GCH1: variants seen among roughly 807,000 people sequenced by gnomAD.
GCH1 encodes the protein GTP cyclohydrolase I.
GCH1 carries 5 observed loss-of-function variants against 25.9 expected under a neutral mutation model. The ratio of observed to expected loss-of-function variants is 0.19; its 90% CI spans 0.10 to 0.41. The LOEUF (loss-of-function observed/expected upper bound fraction) is 0.41. Among genes scored for constraint, GCH1 ranks in the 10% least tolerant of loss-of-function variants. GCH1 has a pLI of 1.00. For synonymous variants in GCH1, 159 were observed against 129.6 expected (o/e 1.23, Z -1.54); for missense variants, 261 against 336.5 (o/e 0.78, Z 1.75).
At position 54,859,752 on chromosome 14, in the gene GCH1, G is replaced by A. The variant is rs574131336; in HGVS notation, c.454-16C>T. Reference sequence around the variant, plus strand: ...CAATATGGACCTTCAGAGAAGAGACGGAAATCATTAGCTGAGTGAAAATAC... The same window carrying A: ...CAATATGGACCTTCAGAGAAGAGACAGAAATCATTAGCTGAGTGAAAATAC... On this transcript the variant is annotated splice_polypyrimidine_tract_variant and intron_variant, in intron 2 of 5. Transcript: ENST00000491895. 1.7e-5 allele frequency: 26 copies of A among 1,498,894 alleles called. 1 individual carries two copies. Among genetic ancestry groups the A allele is most frequent in the Middle Eastern group, 3.4e-4 (2 of 5,858 alleles). The allele number at this position is 1,498,894 out of a possible 1,614,324, so 92.8% of individuals were successfully genotyped here.
rs1339947142 is a variant in GCH1 at position 54,862,748 on chromosome 14, C to A, written c.453+2579G>T. Among the ~76,000 whole-genome samples the A allele has an allele frequency of 5.3e-5, 8 of 151,822 alleles. No homozygotes were observed. The East Asian group carries it at 1.4e-3, about 26-fold the overall frequency. ...GAGATTACTGACGTAAGCCACCGTG[C>A]CCAGCCCTTACGAACTACTTTTATC... On this transcript the variant is annotated intron_variant, in intron 2 of 5. Transcript: ENST00000491895.
At chr14:54,858,202 A>G (rs888261389) in intron 3 of GCH1, among the ~76,000 whole-genome samples, 2 of 152,200 alleles carry the variant, frequency 1.3e-5, no homozygotes, top group South Asian at 4.1e-4. Context: ...ACTGTGTTAA[A>G]TCCCAGGGCC....
chr14:54,863,557 A>G (rs2039946689), intron 2 of GCH1, among the ~76,000 whole-genome samples: 1 of 151,166 alleles, frequency 6.6e-6, no homozygotes, highest in Non-Finnish European at 1.5e-5. Context: ...AGAGCAGAAT[A>G]GATAAATTGT....
intron 5 of GCH1, 64 bp from the exon 6 acceptor site, chr14:54,844,207 G>T: frequency 2.8e-6 from 3 of 1,059,148 alleles, no homozygotes; most frequent in Non-Finnish European, 4.4e-6. Flanking sequence ...GTTTTTAAAA[G>T]CAGGCCTAAA....
At chr14:54,863,232 A>G (rs1468734133) in intron 2 of GCH1, among the ~76,000 whole-genome samples, 2 of 151,914 alleles carry the variant, frequency 1.3e-5, no homozygotes, top group African/African-American at 4.8e-5. Flanking sequence ...ATCCTGGCTA[A>G]CACCGTGAAA....
chr14:54,883,461 C>T (rs1229640408), intron 1 of GCH1, among the ~76,000 whole-genome samples: 3 of 150,340 alleles, frequency 2.0e-5, no homozygotes, highest in African/African-American at 7.4e-5. Flanking sequence ...AGGTGGATCA[C>T]GAGGTCAGGA....
intron 1 of GCH1, among the ~76,000 whole-genome samples, chr14:54,900,783 T>C (rs535814825): frequency 3.3e-5 from 5 of 151,898 alleles, no homozygotes; most frequent in African/African-American, 9.7e-5. Context: ...CCACTTTCTG[T>C]GTCTGCAAGG....
intron 1 of GCH1, among the ~76,000 whole-genome samples, chr14:54,873,219 C>G (rs1336463946): frequency 6.6e-6 from 1 of 152,170 alleles, no homozygotes; most frequent in East Asian, 1.9e-4. Flanking sequence ...TACATGAAAA[C>G]TGAGCAACCT....
intron 2 of GCH1, among the ~76,000 whole-genome samples, chr14:54,861,168 T>C (rs2039891291): frequency 6.6e-6 from 1 of 152,216 alleles, no homozygotes; most frequent in Non-Finnish European, 1.5e-5. Flanking sequence ...GATCTAGTAG[T>C]ACTTAGTGAT....
At chr14:54,870,716 C>T (rs1261419328) in intron 1 of GCH1, among the ~76,000 whole-genome samples, 2 of 152,194 alleles carry the variant, frequency 1.3e-5, no homozygotes, top group African/African-American at 2.4e-5. Context: ...GCGCTTGGCT[C>T]GGAGGGTCCT....
chr14:54,843,836 A>G lies in GCH1; in HGVS notation c.*181T>C, dbSNP rs1402965066. 1 of 1,612,796 alleles carries G rather than the reference A, an allele frequency of 6.2e-7. No homozygotes were observed. Among genetic ancestry groups the G allele is most frequent in the Non-Finnish European group, 8.5e-7 (1 of 1,178,792 alleles). ...CAAAAAGGTGGCAAGAAGAAAGTAG[A>G]GGGCTCAACCCTTTATTATATTTAT... is the stretch of plus-strand genomic sequence containing the variant. On this transcript the variant is annotated 3_prime_UTR_variant, in exon 6 of 6. Coordinates refer to ENST00000491895, the MANE Select transcript of GCH1 (RefSeq NM_000161.3).
chr14:54,876,113 A>G (rs1429232985), intron 1 of GCH1, among the ~76,000 whole-genome samples: 1 of 152,200 alleles, frequency 6.6e-6, no homozygotes, highest in Non-Finnish European at 1.5e-5. Context: ...TCCAACAATG[A>G]TAGATTGGAT....
chr14:54,892,776 G>A (rs931160505), intron 1 of GCH1, among the ~76,000 whole-genome samples: 1 of 151,990 alleles, frequency 6.6e-6, no homozygotes, highest in African/African-American at 2.4e-5. Context: ...CAGACATGAA[G>A]GACAAACATT....
rs748890014 is a variant in GCH1, at chr14:54,902,424, G to T, written c.240C>A (p.Ser80Arg). Residue 80 changes from serine to arginine, a missense_variant, in exon 1 of 6, where the codon AGC (serine) becomes AGA (arginine). By Grantham distance (110) the Ser-to-Arg change is moderately radical. Transcript: ENST00000491895. ...GCCGCTGGGGGTTCTCGCCCAGCGAGCTCAGGATGGACGAGTAGGCGGCTG... is the reference window on the plus strand; with the variant it reads ...GCCGCTGGGGGTTCTCGCCCAGCGATCTCAGGATGGACGAGTAGGCGGCTG... Reference protein sequence around the residue: ...NLAAAYSSILSSLGENPQRQG... With the variant: ...NLAAAYSSILRSLGENPQRQG... The T allele has an allele frequency of 6.2e-7, 1 of 1,613,092 alleles. No homozygotes were observed. The highest frequency in any genetic ancestry group is 2.2e-5 in the East Asian group (1 of 44,860).
intron 3 of GCH1, chr14:54,859,163 A>C: frequency 5.8e-6 from 1 of 171,458 alleles, no homozygotes; most frequent in African/African-American, 2.4e-5. Flanking sequence ...AGAGCAAGGC[A>C]GGGTTGAGGC....
chr14:54,888,304 C>T (rs2040379239), intron 1 of GCH1, among the ~76,000 whole-genome samples: 1 of 152,146 alleles, frequency 6.6e-6, no homozygotes, highest in African/African-American at 2.4e-5. Context: ...TGGAAGTCAA[C>T]AGAGTGAGCG....
chr14:54,854,127 A>T (rs1230345720), intron 3 of GCH1, among the ~76,000 whole-genome samples: 1 of 152,224 alleles, frequency 6.6e-6, no homozygotes, highest in African/African-American at 2.4e-5. Context: ...CAACTTGTAG[A>T]TTTGTGATTT....
chr14:54,867,498 G>A (rs1005270238), intron 1 of GCH1, among the ~76,000 whole-genome samples: 1 of 143,930 alleles, frequency 6.9e-6, no homozygotes, highest in East Asian at 2.1e-4. Flanking sequence ...TGAGACAGGA[G>A]AATTGCTTGA....
intron 1 of GCH1, among the ~76,000 whole-genome samples, chr14:54,891,734 A>T (rs1387915657): frequency 6.6e-6 from 1 of 152,142 alleles, no homozygotes; most frequent in Non-Finnish European, 1.5e-5. Context: ...TTTAAAATGC[A>T]CGCTATTCTG....
Sources: gnomAD v4.1 joint callset for allele counts (sites outside exome capture counted in the v4.1 genomes callset) on GRCh38, gnomAD v4.1.1 for gene constraint, MANE v1.5 for transcripts, NCBI Gene and HGNC (gene_info 2026-07-23, HGNC 2026-07-21) for gene names.